Variants in MTUS2 observed in about 807,000 individuals in gnomAD.
MTUS2 encodes the protein microtubule associated scaffold protein 2, also known as microtubule-associated tumor suppressor candidate 2.
Under a neutral mutation model 114.1 loss-of-function variants are expected in MTUS2, and 40 were observed. The observed-to-expected ratio is 0.35, with a 90% CI of 0.27 to 0.46. The LOEUF (loss-of-function observed/expected upper bound fraction) is 0.46. MTUS2 is among the 20% of genes least tolerant of loss of function. The pLI is 1.00. For missense variants in MTUS2, 1,679 were observed against 1,705.4 expected (o/e 0.98, Z 0.27); for synonymous variants, 688 against 672.0 (o/e 1.02, Z -0.37).
At chr13:29,428,915 C>T (rs1421292880) in intron 8 of MTUS2, 2 of 1,611,602 alleles carry the variant, frequency 1.2e-6, no homozygotes, top group Non-Finnish European at 1.7e-6. Context: ...CCTTCCCTCT[C>T]TCTTCTTCCC....
intron 6 of MTUS2, chr13:29,307,553 A>G (rs1343778140): frequency 1.6e-6 from 2 of 1,245,784 alleles, no homozygotes; most frequent in African/African-American, 1.5e-5. Flanking sequence ...GATGACATCA[A>G]GAAGGTGGTA....
intron 6 of MTUS2, among the ~76,000 whole-genome samples, chr13:29,318,058 A>G (rs1343560214): frequency 1.3e-5 from 2 of 152,202 alleles, no homozygotes; most frequent in Admixed American, 6.5e-5. Flanking sequence ...CTGTGGGGCC[A>G]GGGCAGGGTC....
chr13:29,271,654 A>G (rs1037625384), intron 5 of MTUS2, among the ~76,000 whole-genome samples: 4 of 152,156 alleles, frequency 2.6e-5, no homozygotes, highest in African/African-American at 7.2e-5. Flanking sequence ...TCGTGTGTTC[A>G]TCAGTGATTT....
intron 5 of MTUS2, among the ~76,000 whole-genome samples, chr13:29,277,540 G>A (rs1412147577): frequency 6.6e-6 from 1 of 152,208 alleles, no homozygotes; most frequent in African/African-American, 2.4e-5. Context: ...AATGCAGTAT[G>A]GCATTGGCAC....
intron 2 of MTUS2, among the ~76,000 whole-genome samples, chr13:28,843,233 G>T (rs1236068998): frequency 6.6e-6 from 1 of 152,028 alleles, no homozygotes; most frequent in Non-Finnish European, 1.5e-5. Context: ...GTTGCAATTG[G>T]TTTCCCAGAG....
intron 6 of MTUS2, among the ~76,000 whole-genome samples, chr13:29,282,168 G>A (rs540371772): frequency 1.3e-5 from 2 of 152,344 alleles, no homozygotes; most frequent in Admixed American, 1.3e-4. Context: ...GGGTGCTGAC[G>A]ATATCATCGC....
chr13:29,128,280 A>G (rs1369906401), intron 5 of MTUS2, among the ~76,000 whole-genome samples: 1 of 152,166 alleles, frequency 6.6e-6, no homozygotes, highest in African/African-American at 2.4e-5. Flanking sequence ...AATAATGTTC[A>G]ATGAGGAGTG....
intron 5 of MTUS2, among the ~76,000 whole-genome samples, chr13:29,195,563 A>G (rs1261868875): frequency 8.4e-6 from 1 of 118,648 alleles, no homozygotes; most frequent in East Asian, 2.6e-4. Context: ...AAAAAAAAAG[A>G]GCTACAGTAG....
At chr13:29,395,783 A>T (rs550525173) in intron 8 of MTUS2, among the ~76,000 whole-genome samples, 1 of 152,334 alleles carries the variant, frequency 6.6e-6, no homozygotes, top group East Asian at 1.9e-4. Context: ...GTCAGAATTC[A>T]TCAATATATT....
At chr13:29,301,854 G>A (rs1399953877) in intron 6 of MTUS2, among the ~76,000 whole-genome samples, 1 of 152,172 alleles carries the variant, frequency 6.6e-6, no homozygotes, top group Admixed American at 6.5e-5. Context: ...CAAGATGAAG[G>A]CATGGGAAGA....
In MTUS2 at chr13:29,504,648, A is replaced by G. The variant is rs1217579240; in HGVS notation, c.*1442A>G. On this transcript the variant is annotated 3_prime_UTR_variant, in exon 16 of 16. Transcript: ENST00000612955. ...ATTAGGATATGAACAGTACTCATGT[A>G]GTGGTGTGGAAGATTAGGAGCATGA... The G allele has an allele frequency of 4.3e-6, 1 of 233,008 alleles. No homozygotes were observed. The highest frequency in any genetic ancestry group is 2.2e-5 in the African/African-American group (1 of 45,326). The allele number at this position is 233,008 out of a possible 1,614,324, so 14.4% of individuals were successfully genotyped here.
At chr13:29,442,149 T>C (rs1268777641) in intron 9 of MTUS2, among the ~76,000 whole-genome samples, 4 of 152,142 alleles carry the variant, frequency 2.6e-5, no homozygotes, top group Non-Finnish European at 4.4e-5. Flanking sequence ...TAGAGACCCT[T>C]GGAGATGGCC....
Position 29,117,469 on chromosome 13 carries a change from A to G in MTUS2, c.2644+16499A>G, listed in dbSNP as rs753397944. Among the ~76,000 whole-genome samples the G allele has an allele frequency of 4.6e-4, 70 of 152,156 alleles. 1 individual carries two copies. The highest frequency in any genetic ancestry group is 3.4e-3 in the Middle Eastern group (1 of 294). On this transcript the variant is annotated intron_variant, in intron 5 of 15. Transcript: ENST00000612955. ...TTAGCAGATGCTGGTGTCCCTCCCC[A>G]CCCACTCTCCTTGGTTTTCAGGGTT...
At chr13:28,836,696 A>G (rs538315818) in intron 1 of MTUS2, among the ~76,000 whole-genome samples, 1 of 152,302 alleles carries the variant, frequency 6.6e-6, no homozygotes, top group African/African-American at 2.4e-5. Context: ...AGGAGGAGGC[A>G]GGAGCAAGGG....
chr13:29,043,534 G>A (rs1377082633), intron 4 of MTUS2, among the ~76,000 whole-genome samples: 1 of 151,812 alleles, frequency 6.6e-6, no homozygotes, highest in Non-Finnish European at 1.5e-5. Context: ...GGGTACTGAA[G>A]TCTCCCACTA....
At chr13:29,063,253 G>A (rs1177472240) in intron 4 of MTUS2, among the ~76,000 whole-genome samples, 2 of 152,142 alleles carry the variant, frequency 1.3e-5, no homozygotes, top group African/African-American at 4.8e-5. Flanking sequence ...TATAAAAATT[G>A]TTAACCTGTA....
At chr13:29,489,105 C>CA (rs1240396793) in intron 11 of MTUS2, among the ~76,000 whole-genome samples, 1 of 151,984 alleles carries the variant, frequency 6.6e-6, no homozygotes, top group Admixed American at 6.6e-5. Flanking sequence ...GCAAACATGG[C>CA]AAAACCCCGT....
In MTUS2 at chr13:29,190,327, T is replaced by A. The variant is rs184881297; in HGVS notation, c.2644+89357T>A. ...TTTCATATAGTAACTCAGTCCTTCATTAAGCACTGTTTTAACCCTCTGATT... is the reference window on the plus strand; with the variant it reads ...TTTCATATAGTAACTCAGTCCTTCAATAAGCACTGTTTTAACCCTCTGATT... On this transcript the variant is annotated intron_variant, in intron 5 of 15. Coordinates refer to ENST00000612955, the MANE Select transcript of MTUS2 (RefSeq NM_001033602.4). Among the ~76,000 whole-genome samples, 12 of 152,372 alleles carry A rather than the reference T, an allele frequency of 7.9e-5. No individual in the cohort carries two copies. The East Asian group carries it at 2.3e-3, about 29-fold the overall frequency.
rs538083298 is a variant in MTUS2 at position 29,069,642 on chromosome 13, A to G, written c.2447-31131A>G. 1.7e-4 allele frequency among the ~76,000 whole-genome samples: 26 copies of G among 152,334 alleles called. No individual in the cohort carries two copies. The South Asian group carries it at 5.2e-3, about 30-fold the overall frequency. ...TCCTGACACTGTGAGCCACATTCAC[A>G]TAAGAATAATTTGAAAGGGAAAAGA... is the stretch of plus-strand genomic sequence containing the variant. On this transcript the variant is annotated intron_variant, in intron 4 of 15. Transcript: ENST00000612955.
Sources: gnomAD v4.1 joint callset for allele counts (sites outside exome capture counted in the v4.1 genomes callset) on GRCh38, gnomAD v4.1.1 for gene constraint, MANE v1.5 for transcripts, NCBI Gene and HGNC (gene_info 2026-07-23, HGNC 2026-07-21) for gene names.